The following FOCAD variants were observed in gnomAD, a reference collection of about 807,000 sequenced individuals.
The protein encoded by FOCAD is KIAA1797.
FOCAD carries 198 observed loss-of-function variants against 225.6 expected under a neutral mutation model. The observed-to-expected ratio is 0.88, with a 90% CI of 0.78 to 0.99. FOCAD has a LOEUF of 0.99. Ranked by LOEUF, FOCAD falls within the 50% of genes least tolerant of loss-of-function variation. FOCAD has a pLI of 0.00. For synonymous variants in FOCAD, 897 were observed against 755.0 expected (o/e 1.19, Z -3.08); for missense variants, 2,713 against 2,123.6 (o/e 1.28, Z -5.46).
intron 1 of FOCAD, among the ~76,000 whole-genome samples, chr9:20,704,321 T>C (rs10811394): frequency 0.4 from 60,200 of 152,080 alleles, 13,690 homozygotes; most frequent in Non-Finnish European, 0.51. Context: ...GTTCATTTGG[T>C]CTTCAGCTTT....
chr9:20,927,680 T>C (rs1431986140), intron 26 of FOCAD: 1 of 152,166 alleles, frequency 6.6e-6, no homozygotes, highest in Non-Finnish European at 1.5e-5. Flanking sequence ...TGTAGAAGTA[T>C]TTTGGTCCTA....
At chr9:20,752,511 G>A (rs976760456) in intron 5 of FOCAD, among the ~76,000 whole-genome samples, 9 of 152,122 alleles carry the variant, frequency 5.9e-5, no homozygotes, top group African/African-American at 1.7e-4. Flanking sequence ...CTGTTCCATT[G>A]ATCTATATCT....
chr9:20,719,893 G>A (rs1023104246), intron 3 of FOCAD, among the ~76,000 whole-genome samples: 2 of 150,066 alleles, frequency 1.3e-5, no homozygotes, highest in African/African-American at 4.9e-5. Context: ...ATTGTGGCAA[G>A]GGCATTGTGG....
chr9:20,856,478 T>C (rs1828197036), intron 15 of FOCAD, among the ~76,000 whole-genome samples: 1 of 152,016 alleles, frequency 6.6e-6, no homozygotes. Context: ...CCATTTTTAT[T>C]CTAGTTATTA....
intron 21 of FOCAD, among the ~76,000 whole-genome samples, chr9:20,904,239 G>A (rs1832772887): frequency 6.6e-6 from 1 of 151,924 alleles, no homozygotes; most frequent in African/African-American, 2.4e-5. Flanking sequence ...GGATTTGTTT[G>A]AATACCTGTT....
At chr9:20,677,828 T>C (rs535665693) in intron 2 of FOCAD, among the ~76,000 whole-genome samples, 1 of 152,346 alleles carries the variant, frequency 6.6e-6, no homozygotes, top group Non-Finnish European at 1.5e-5. Flanking sequence ...AATCCCACTT[T>C]TGAGTATACC....
intron 19 of FOCAD, among the ~76,000 whole-genome samples, chr9:20,878,027 C>G (rs1830372005): frequency 6.6e-6 from 1 of 152,082 alleles, no homozygotes; most frequent in African/African-American, 2.4e-5. Flanking sequence ...AATGACATCT[C>G]TACTTATTGT....
At chr9:20,758,054 A>C in intron 5 of FOCAD, 36 bp from the exon 6 acceptor site, 1 of 1,458,264 alleles carries the variant, frequency 6.9e-7, no homozygotes. Flanking sequence ...GTAGTCCTGA[A>C]TAACAGGTTC....
chr9:20,922,058 G>C (rs577994448), intron 24 of FOCAD, among the ~76,000 whole-genome samples: 1 of 152,154 alleles, frequency 6.6e-6, no homozygotes, highest in African/African-American at 2.4e-5. Flanking sequence ...TCTGTTAAAA[G>C]AAAGAGATAA....
At chr9:20,924,919 C>G (rs903555191) in intron 25 of FOCAD, among the ~76,000 whole-genome samples, 2 of 152,124 alleles carry the variant, frequency 1.3e-5, no homozygotes, top group Non-Finnish European at 2.9e-5. Context: ...CCTTTGGGTC[C>G]TAGGCCTACC....
At chr9:20,923,605 T>G (rs1834656878) in intron 24 of FOCAD, 55 bp from the exon 25 acceptor site, 1 of 1,394,332 alleles carries the variant, frequency 7.2e-7, no homozygotes, top group Non-Finnish European at 1.0e-6. Flanking sequence ...TAGCTCTTTC[T>G]CTTCTTCTGG....
chr9:20,710,677 T>C (rs1045207668), intron 1 of FOCAD, among the ~76,000 whole-genome samples: 3 of 152,214 alleles, frequency 2.0e-5, no homozygotes, highest in African/African-American at 7.2e-5. Flanking sequence ...CTATATTCCA[T>C]TTATAAAGCC....
rs954671482 is a variant in FOCAD at position 20,674,511 on chromosome 9, T to C, written c.-78+15685T>C. Among the ~76,000 whole-genome samples the C allele has an allele frequency of 6.5e-4, 99 of 152,224 alleles. 1 individual carries two copies. The highest frequency in any genetic ancestry group is 2.2e-4 in the Non-Finnish European group (15 of 68,044). ...TTATAAAGATGTTCCAAAGGCCTAATTCTTGACAGAGAATGTAAGCAGAAG... is the reference window on the plus strand; with the variant it reads ...TTATAAAGATGTTCCAAAGGCCTAACTCTTGACAGAGAATGTAAGCAGAAG... On this transcript the variant is annotated intron_variant, in intron 2 of 45. Coordinates refer to the FOCAD transcript ENST00000380249.
chr9:20,794,957 C>T (rs923693764), intron 11 of FOCAD, among the ~76,000 whole-genome samples: 28 of 151,798 alleles, frequency 1.8e-4, no homozygotes, highest in Middle Eastern at 3.4e-3. Context: ...AAATTGAAAA[C>T]GAATCTAAGC....
chr9:20,807,774 G>T (rs933598555), intron 11 of FOCAD, among the ~76,000 whole-genome samples: 1 of 152,190 alleles, frequency 6.6e-6, no homozygotes, highest in African/African-American at 2.4e-5. Context: ...CTTAGGCTGG[G>T]TGTGGTGGTT....
intron 5 of FOCAD, among the ~76,000 whole-genome samples, chr9:20,749,447 ATTTC>A (rs1446610108): frequency 6.6e-6 from 1 of 151,986 alleles, no homozygotes; most frequent in Non-Finnish European, 1.5e-5. Flanking sequence ...TTGAATTATT[ATTTC>A]TTCTTTATAG....
chr9:20,719,778 C>CTTTTTTT lies in FOCAD; in HGVS notation c.133-584_133-578dup, dbSNP rs34384301. On this transcript the variant is annotated intron_variant, in intron 3 of 43. Coordinates refer to ENST00000338382, the MANE Select transcript of FOCAD (RefSeq NM_001375567.1). ...TTCTTGGGCAAACAGTTTTCCTAGG[C>CTTTTTTT]TTTTTTTTTTTTTTTTTTTTTTTTG... Among the ~76,000 whole-genome samples the CTTTTTTT allele has an allele frequency of 1.5e-3, 96 of 62,128 alleles. 8 individuals carry two copies. Among genetic ancestry groups the CTTTTTTT allele is most frequent in the Non-Finnish European group, 1.9e-3 (68 of 35,610 alleles). 40.8% of individuals were successfully genotyped at this position (62,128 alleles called of 152,430 possible). A position where few individuals can be genotyped will look rare whatever the true frequency, so the allele number is the denominator to read the frequency against.
At chr9:20,905,350 A>C (rs34030675) in intron 21 of FOCAD, among the ~76,000 whole-genome samples, 1 of 151,740 alleles carries the variant, frequency 6.6e-6, no homozygotes, top group Non-Finnish European at 1.5e-5. Context: ...GCTCATTTTC[A>C]TTTACATTTT....
At chr9:20,960,817 C>T (rs1838642396) in intron 35 of FOCAD, among the ~76,000 whole-genome samples, 2 of 144,698 alleles carry the variant, frequency 1.4e-5, no homozygotes, top group South Asian at 4.7e-4. Context: ...TTATTCAATT[C>T]CCACCTATGA....
Sources: allele counts gnomAD v4.1 joint callset (sites outside exome capture counted in the v4.1 genomes callset), GRCh38; gene constraint gnomAD v4.1.1; transcripts MANE v1.5; gene names NCBI Gene and HGNC (gene_info 2026-07-23, HGNC 2026-07-21).